The following LRRC3B variants were observed in gnomAD, a reference collection of about 807,000 sequenced individuals.
The protein encoded by LRRC3B is leucine-rich repeat-containing protein 3B.
Under a neutral mutation model 12.8 loss-of-function variants are expected in LRRC3B, and 2 were observed. The ratio of observed to expected loss-of-function variants is 0.16; its 90% CI spans 0.06 to 0.49. LRRC3B has a LOEUF of 0.49. LRRC3B is among the 20% of genes least tolerant of loss of function. LRRC3B has a pLI of 0.96. For missense variants in LRRC3B, 189 were observed against 319.4 expected (o/e 0.59, Z 3.11); for synonymous variants, 132 against 122.0 (o/e 1.08, Z -0.54).
At chr3:26,676,023 G>C (rs1465703202) in intron 1 of LRRC3B, among the ~76,000 whole-genome samples, 1 of 148,182 alleles carries the variant, frequency 6.7e-6, no homozygotes, top group Non-Finnish European at 1.5e-5. Flanking sequence ...TAACGTTTTT[G>C]AAGAGTGTTG....
intron 1 of LRRC3B, among the ~76,000 whole-genome samples, chr3:26,678,517 G>A (rs1699908898): frequency 6.6e-6 from 1 of 151,484 alleles, no homozygotes; most frequent in South Asian, 2.1e-4. Context: ...AAAAAAAGTA[G>A]TAGGATTCCT....
chr3:26,684,696 C>T (rs1700037356), intron 1 of LRRC3B, among the ~76,000 whole-genome samples: 1 of 152,188 alleles, frequency 6.6e-6, no homozygotes, highest in African/African-American at 2.4e-5. Flanking sequence ...GGGCAAAGCC[C>T]TCATAGCCTA....
At chr3:26,670,257 G>C (rs1699692486) in intron 1 of LRRC3B, among the ~76,000 whole-genome samples, 1 of 152,220 alleles carries the variant, frequency 6.6e-6, no homozygotes, top group South Asian at 2.1e-4. Flanking sequence ...AGAAATGAGA[G>C]AGAGATGAAG....
chr3:26,670,832 G>A (rs998032030), intron 1 of LRRC3B, among the ~76,000 whole-genome samples: 1 of 151,982 alleles, frequency 6.6e-6, no homozygotes, highest in Non-Finnish European at 1.5e-5. Context: ...TCTGGTATTG[G>A]GGACATAATA....
chr3:26,696,592 A>G (rs990803581), intron 1 of LRRC3B, among the ~76,000 whole-genome samples: 24 of 152,196 alleles, frequency 1.6e-4, no homozygotes, highest in African/African-American at 5.8e-4. Flanking sequence ...GTCCCAGCAC[A>G]GTTGTCACTA....
intron 1 of LRRC3B, among the ~76,000 whole-genome samples, chr3:26,683,470 G>C (rs991042289): frequency 6.6e-6 from 1 of 152,168 alleles, no homozygotes; most frequent in East Asian, 1.9e-4. Flanking sequence ...AAACAAGGGG[G>C]TTGGAAAAGA....
At chr3:26,633,762 G>A (rs938313682) in intron 1 of LRRC3B, among the ~76,000 whole-genome samples, 2 of 152,194 alleles carry the variant, frequency 1.3e-5, no homozygotes, top group Non-Finnish European at 2.9e-5. Context: ...AGCTGAGCAT[G>A]AGGTCACAGA....
chr3:26,706,610 G>GAA (rs1700595175), intron 1 of LRRC3B, among the ~76,000 whole-genome samples: 1 of 152,178 alleles, frequency 6.6e-6, no homozygotes, highest in African/African-American at 2.4e-5. Context: ...TCCATCTCAA[G>GAA]AAAGACTGCA....
intron 1 of LRRC3B, among the ~76,000 whole-genome samples, chr3:26,636,792 G>T (rs2125404255): frequency 7.1e-6 from 1 of 140,924 alleles, no homozygotes; most frequent in South Asian, 2.2e-4. Flanking sequence ...ACTGGAGAGT[G>T]CTGTAGTCTT....
At chr3:26,652,514 C>T (rs895676320) in intron 1 of LRRC3B, among the ~76,000 whole-genome samples, 1 of 152,126 alleles carries the variant, frequency 6.6e-6, no homozygotes, top group African/African-American at 2.4e-5. Context: ...CAGCTCAAAT[C>T]CTGCAAGAAT....
intron 1 of LRRC3B, among the ~76,000 whole-genome samples, chr3:26,683,084 G>C (rs1316542415): frequency 6.6e-6 from 1 of 152,084 alleles, no homozygotes; most frequent in Admixed American, 6.5e-5. Flanking sequence ...GATGTTCTGG[G>C]ACTTCTAGGG....
intron 1 of LRRC3B, among the ~76,000 whole-genome samples, chr3:26,694,966 A>AC (rs1034740615): frequency 1.3e-5 from 2 of 152,096 alleles, no homozygotes; most frequent in Non-Finnish European, 2.9e-5. Context: ...AATATCATCA[A>AC]CCCCCAGAAC....
rs146526715 is a variant in LRRC3B, at chr3:26,710,245, C to T, written c.573C>T (p.Asp191=). ...GACCATTCCTCAATGCTGCCAACGA[C>T]GCTGACCTTTGTAACCTCCCTAAAA... Residue 191 remains aspartate (D), a synonymous_variant, in exon 2 of 2, where the codon GAC becomes GAT. Coordinates refer to ENST00000396641, the Ensembl canonical transcript of LRRC3B. The T allele has an allele frequency of 7.1e-3, 11,421 of 1,613,712 alleles. 61 individuals are homozygous for T. Among genetic ancestry groups the T allele is most frequent in the Non-Finnish European group, 7.6e-3 (8,939 of 1,179,864 alleles).
intron 1 of LRRC3B, among the ~76,000 whole-genome samples, chr3:26,662,454 C>T (rs1457827813): frequency 1.3e-5 from 2 of 152,098 alleles, no homozygotes; most frequent in Admixed American, 6.6e-5. Flanking sequence ...TTAACTTCCT[C>T]CTACTCCTGC....
At chr3:26,632,413 C>T (rs575918923) in intron 1 of LRRC3B, among the ~76,000 whole-genome samples, 86 of 152,164 alleles carry the variant, frequency 5.7e-4, no homozygotes, top group African/African-American at 1.9e-3. Context: ...TCTCAAAGTT[C>T]AAGGAAGCTG....
chr3:26,701,366 T>C (rs1700449715), intron 1 of LRRC3B: 1 of 152,064 alleles, frequency 6.6e-6, no homozygotes, highest in Admixed American at 6.6e-5. Context: ...GGTCTCTCTC[T>C]CCTGAGACTT....
chr3:26,709,410 A>AC (rs1013488973), intron 1 of LRRC3B, 103 bp from the exon 2 acceptor site: 5 of 481,154 alleles, frequency 1.0e-5, no homozygotes, highest in Non-Finnish European at 1.5e-5. Context: ...TGCATAACTA[A>AC]CCCCCCTGCT....
At chr3:26,645,973 A>C (rs1699134969) in intron 1 of LRRC3B, among the ~76,000 whole-genome samples, 2 of 152,138 alleles carry the variant, frequency 1.3e-5, no homozygotes, top group Non-Finnish European at 2.9e-5. Context: ...CTACCCCAGG[A>C]TCTGTTTCTG....
chr3:26,689,134 A>C (rs1271436426), intron 1 of LRRC3B, among the ~76,000 whole-genome samples: 2 of 152,210 alleles, frequency 1.3e-5, no homozygotes, highest in African/African-American at 2.4e-5. Context: ...ATAGACTCTC[A>C]GACACTCCAT....
Sources: gnomAD v4.1 joint callset for allele counts (sites outside exome capture counted in the v4.1 genomes callset) on GRCh38, gnomAD v4.1.1 for gene constraint, MANE v1.5 for transcripts, NCBI Gene and HGNC (gene_info 2026-07-23, HGNC 2026-07-21) for gene names.